PSME4: variants seen among roughly 807,000 people sequenced by gnomAD.
PSME4 encodes the protein proteasome activator complex subunit 4.
In PSME4, 89 loss-of-function variants were observed where a neutral mutation model predicts 253.9. That is an observed-to-expected ratio of 0.35 (90% confidence interval 0.30 to 0.42). The LOEUF (loss-of-function observed/expected upper bound fraction) is 0.42, where lower values mean the gene tolerates loss of function less well. Among genes scored for constraint, PSME4 ranks in the 10% least tolerant of loss-of-function variants. The pLI, the probability that PSME4 is intolerant of heterozygous loss-of-function variation, is 1.00. For synonymous variants in PSME4, 851 were observed against 759.2 expected, an observed-to-expected ratio of 1.12 and a Z score of -1.99; for missense variants, 2,014 against 2,195.2, an observed-to-expected ratio of 0.92 and a Z score of 1.65.
chr2:53,891,920 G>GGA (rs1679927080), intron 36 of PSME4, among the ~76,000 whole-genome samples: 1 of 151,292 alleles, frequency 6.6e-6, no homozygotes, highest in South Asian at 2.1e-4. Context: ...TGGACAGACG[G>GGA]AAGGACAGAT....
At chr2:53,920,465 C>G in intron 18 of PSME4, 115 bp from the exon 19 acceptor site, 1 of 1,039,994 alleles carries the variant, frequency 9.6e-7, no homozygotes, top group Middle Eastern at 2.3e-4. Context: ...ATAATCCAAA[C>G]CTAAGGTAGC....
At chr2:53,932,515 C>G (rs1307712281) in intron 9 of PSME4, among the ~76,000 whole-genome samples, 153 bp downstream of exon 9, 1 of 152,104 alleles carries the variant, frequency 6.6e-6, no homozygotes, top group Non-Finnish European at 1.5e-5. Flanking sequence ...ATATGCTCTC[C>G]CACACAGTAA....
intron 1 of PSME4, among the ~76,000 whole-genome samples, chr2:53,965,112 C>G (rs964024816): frequency 6.6e-6 from 1 of 152,150 alleles, no homozygotes; most frequent in African/African-American, 2.4e-5. Flanking sequence ...GACACACACA[C>G]ACACACACGA....
intron 1 of PSME4, among the ~76,000 whole-genome samples, chr2:53,957,048 G>A (rs1670267660): frequency 6.6e-6 from 1 of 152,152 alleles, no homozygotes; most frequent in African/African-American, 2.4e-5. Context: ...AGGAATGCCA[G>A]AGAACCAAGT....
rs1382127962 is a variant in PSME4, at chr2:53,868,427, G to T, written c.5263+949C>A. Among the ~76,000 whole-genome samples the T allele has an allele frequency of 1.1e-4, 17 of 148,646 alleles. No individual in the cohort carries two copies. In the Admixed American group the frequency reaches 1.2e-3, roughly 10 times the overall value. Reference sequence around the variant, plus strand: ...AGATCATGCCACTGCACTCCAGCCTGGGTGACAGTGGAAGATCCTGTTTCC... The same window carrying T: ...AGATCATGCCACTGCACTCCAGCCTTGGTGACAGTGGAAGATCCTGTTTCC... On this transcript the variant is annotated intron_variant, in intron 44 of 46. Transcript: ENST00000404125.
At chr2:53,953,924 C>T (rs1670113688) in intron 1 of PSME4, among the ~76,000 whole-genome samples, 1 of 152,194 alleles carries the variant, frequency 6.6e-6, no homozygotes, top group African/African-American at 2.4e-5. Context: ...TCCATCCTCC[C>T]ACAGGGGAAG....
intron 17 of PSME4, among the ~76,000 whole-genome samples, chr2:53,922,128 C>A (rs1375284954): frequency 6.6e-6 from 1 of 150,918 alleles, no homozygotes; most frequent in African/African-American, 2.4e-5. Flanking sequence ...GCCGAGATTG[C>A]ACCACTGCAC....
intron 29 of PSME4, among the ~76,000 whole-genome samples, chr2:53,899,071 G>A (rs1002356614): frequency 1.3e-5 from 2 of 152,074 alleles, no homozygotes; most frequent in African/African-American, 4.8e-5. Context: ...ATAACTTTTT[G>A]TTTTGTTTAT....
intron 24 of PSME4, chr2:53,908,084 C>T: frequency 2.2e-6 from 1 of 456,612 alleles, no homozygotes; most frequent in Non-Finnish European, 3.9e-6. Flanking sequence ...TCCAAATTCC[C>T]ATTGAGAGTT....
intron 26 of PSME4, among the ~76,000 whole-genome samples, chr2:53,904,461 A>G (rs1680556452): frequency 6.6e-6 from 1 of 152,220 alleles, no homozygotes; most frequent in Non-Finnish European, 1.5e-5. Flanking sequence ...TCAGCATACT[A>G]CTAAACTTTT....
chr2:53,931,945 C>T lies in PSME4; in HGVS notation c.1206G>A (p.Gln402=), dbSNP rs145702580. 5.5e-4 allele frequency: 882 copies of T among 1,614,088 alleles called. 2 individuals carry two copies. The African/African-American group carries it at 0.011, about 19-fold the overall frequency. ...TGCTAAACATAGCCAAGAGGACAGG[C>T]TGAATAATGCATTGTACAAAGTCTG... ...DVTDFVQCII[Q]PVLLAMFSKT... The change falls in exon 10 of 47, where the codon CAG becomes CAA. Residue 402 remains glutamine (Q), a synonymous_variant. Transcript: ENST00000404125.
intron 20 of PSME4, among the ~76,000 whole-genome samples, chr2:53,914,376 C>T (rs1667963998): frequency 6.6e-6 from 1 of 152,102 alleles, no homozygotes; most frequent in Non-Finnish European, 1.5e-5. Flanking sequence ...ATAAACTATA[C>T]CACAAATATT....
chr2:53,933,956 A>C (rs1256302048), intron 8 of PSME4, among the ~76,000 whole-genome samples: 2 of 152,222 alleles, frequency 1.3e-5, no homozygotes, highest in Non-Finnish European at 2.9e-5. Context: ...TTAAGAAGTA[A>C]ACTTTTAAAC....
intron 10 of PSME4, among the ~76,000 whole-genome samples, chr2:53,928,896 T>C (rs762528515): frequency 2.1e-4 from 32 of 152,184 alleles, no homozygotes; most frequent in Non-Finnish European, 3.5e-4. Context: ...CAGGGTGTGA[T>C]GGCTCACACC....
At chr2:53,890,938 A>G (rs1441129732) in intron 36 of PSME4, among the ~76,000 whole-genome samples, 3 of 152,092 alleles carry the variant, frequency 2.0e-5, no homozygotes, top group Non-Finnish European at 4.4e-5. Flanking sequence ...GAGGCAGGAG[A>G]ATTGCTTGAA....
At chr2:53,934,547 G>A in intron 8 of PSME4, 58 bp downstream of exon 8, 2 of 1,526,578 alleles carry the variant, frequency 1.3e-6, no homozygotes, top group Admixed American at 3.8e-5. Flanking sequence ...CACAATTTTT[G>A]TAAGGTTAAC....
chr2:53,961,043 G>T (rs922089145), intron 1 of PSME4, among the ~76,000 whole-genome samples: 1 of 152,140 alleles, frequency 6.6e-6, no homozygotes, highest in African/African-American at 2.4e-5. Flanking sequence ...GGAGGCAGAG[G>T]TTGCAGTGAG....
At chr2:53,968,147 C>T (rs58879065) in intron 1 of PSME4, among the ~76,000 whole-genome samples, 11,764 of 151,712 alleles carry the variant, frequency 0.078, 670 homozygotes, top group East Asian at 0.28. Context: ...TGGTGGCACT[C>T]GCCTATAATC....
chr2:53,898,466 A>C (rs1680242245), intron 29 of PSME4, 112 bp from the exon 30 acceptor site: 1 of 773,674 alleles, frequency 1.3e-6, no homozygotes. Context: ...CTTACTTCCC[A>C]CCACCTGACT....
Sources: gnomAD v4.1 joint callset for allele counts (sites outside exome capture counted in the v4.1 genomes callset) on GRCh38, gnomAD v4.1.1 for gene constraint, MANE v1.5 for transcripts, NCBI Gene and HGNC (gene_info 2026-07-23, HGNC 2026-07-21) for gene names.